BRWD3: variants seen among roughly 807,000 people sequenced by gnomAD.
The protein encoded by BRWD3 is bromodomain and WD repeat-containing protein 3.
A neutral mutation model predicts 149.7 loss-of-function variants in BRWD3; 10 were observed. The ratio of observed to expected loss-of-function variants is 0.07; its 90% CI spans 0.04 to 0.11. The LOEUF is 0.11. Ranked by LOEUF, BRWD3 falls within the 10% of genes least tolerant of loss-of-function variation. The pLI, the probability that BRWD3 is intolerant of heterozygous loss-of-function variation, is 1.00. For missense variants in BRWD3, 940 were observed against 1,373.2 expected, an observed-to-expected ratio of 0.68 and a Z score of 4.99; for synonymous variants, 504 against 456.7, an observed-to-expected ratio of 1.10 and a Z score of -1.32.
chrX:80,726,254 CAT>C (rs1157676961), intron 14 of BRWD3, among the ~76,000 whole-genome samples: 34 of 99,092 alleles, frequency 3.4e-4, no homozygotes, highest in East Asian at 1.3e-3. Flanking sequence ...GTCTGTATAA[CAT>C]ATAACACGTT....
Position 80,809,494 on chromosome X carries a change from G to A in BRWD3, c.-23C>T, listed in dbSNP as rs1374925959. ...CATCCTTTTCCCGAGGGGGTTTGGG[G>A]GCTTCGCTCCGGAGGGGCTGGCGGG... On this transcript the variant is annotated 5_prime_UTR_variant, in exon 1 of 41. Transcript: ENST00000373275. The A allele has an allele frequency of 8.8e-7, 1 of 1,136,308 alleles. No homozygotes were observed. The highest frequency in any genetic ancestry group is 2.6e-5 in the Admixed American group (1 of 37,996). The allele number at this position is 1,136,308 out of a possible 1,213,427, so 93.6% of individuals were successfully genotyped here.
chrX:80,769,170 T>G (rs1168585353), intron 6 of BRWD3, among the ~76,000 whole-genome samples: 1 of 110,941 alleles, frequency 9.0e-6, no homozygotes, highest in African/African-American at 3.3e-5. Context: ...ACTGTCAACA[T>G]TAGACAGATC....
At chrX:80,756,936 T>C (rs2073747470) in intron 6 of BRWD3, among the ~76,000 whole-genome samples, 1 of 112,031 alleles carries the variant, frequency 8.9e-6, no homozygotes. Flanking sequence ...CTTTTTACTT[T>C]TATTATAAGC....
rs181503173 is a variant in BRWD3 at position 80,805,805 on chromosome X, C to T, written c.180+2734G>A. Among the ~76,000 whole-genome samples the T allele has an allele frequency of 2.8e-3, 305 of 110,835 alleles. 2 individuals are homozygous for T. Among genetic ancestry groups the T allele is most frequent in the African/African-American group, 9.2e-3 (281 of 30,466 alleles). On this transcript the variant is annotated intron_variant, in intron 4 of 40. Coordinates refer to ENST00000373275, the MANE Select transcript of BRWD3 (RefSeq NM_153252.5). The stretch of plus-strand genomic sequence containing the variant: ...CAAAAATTAGCTGGGCGTGGTGGCG[C>T]GTGCCTGTAGTCCCAGCTACTTGGG...
chrX:80,725,971 T>A (rs2073224744), intron 14 of BRWD3, among the ~76,000 whole-genome samples: 1 of 108,044 alleles, frequency 9.3e-6, no homozygotes, highest in Non-Finnish European at 1.9e-5. Context: ...ATAACATGTT[T>A]ACATGTTATA....
chrX:80,757,892 AG>A (rs1479251536), intron 6 of BRWD3, among the ~76,000 whole-genome samples: 1 of 112,459 alleles, frequency 8.9e-6, no homozygotes, highest in Non-Finnish European at 1.9e-5. Context: ...TAGATCCTGG[AG>A]ATACTGATTA....
intron 35 of BRWD3, among the ~76,000 whole-genome samples, chrX:80,685,742 C>T (rs1296882309): frequency 8.9e-6 from 1 of 111,979 alleles, no homozygotes; most frequent in African/African-American, 3.2e-5. Context: ...AAATTCCCTA[C>T]AAGCAAACAA....
intron 4 of BRWD3, among the ~76,000 whole-genome samples, chrX:80,803,904 T>G (rs2074325917): frequency 8.9e-6 from 1 of 112,543 alleles, no homozygotes; most frequent in Non-Finnish European, 1.9e-5. Flanking sequence ...ATGTCTGGAA[T>G]TTAAATACAG....
At chrX:80,782,613 T>A (rs780871031) in intron 6 of BRWD3, among the ~76,000 whole-genome samples, 1 of 111,736 alleles carries the variant, frequency 8.9e-6, no homozygotes, top group South Asian at 3.7e-4. Flanking sequence ...ATAACCAGAA[T>A]ATAGCCAGGC....
At chrX:80,692,415 G>A (rs898563275) in intron 28 of BRWD3, among the ~76,000 whole-genome samples, 4 of 111,621 alleles carry the variant, frequency 3.6e-5, no homozygotes, top group East Asian at 2.8e-4. Flanking sequence ...TAAACATTTC[G>A]TCTATCATTC....
intron 33 of BRWD3, among the ~76,000 whole-genome samples, chrX:80,689,215 C>T (rs1029745971): frequency 9.0e-6 from 1 of 111,004 alleles, no homozygotes; most frequent in Non-Finnish European, 1.9e-5. Context: ...CAGTCAAATA[C>T]GGCTTTGTGT....
intron 28 of BRWD3, 38 bp downstream of exon 28, chrX:80,692,902 A>G: frequency 2.8e-6 from 3 of 1,067,119 alleles, no homozygotes; most frequent in South Asian, 3.7e-5. Flanking sequence ...TACTACTACA[A>G]TGTCATATTA....
chrX:80,705,096 T>TACTAAAAATACAAAACCCCTACTAAAAAC (rs1227402555), intron 22 of BRWD3, among the ~76,000 whole-genome samples: 1 of 110,597 alleles, frequency 9.0e-6, no homozygotes, highest in Non-Finnish European at 1.9e-5. Context: ...CAAAACCCCG[T>TACTAAAAATACAAAACCCCTACTAAAAAC]CTCTACTAAA....
chrX:80,762,451 T>G (rs2073813225), intron 6 of BRWD3, among the ~76,000 whole-genome samples: 1 of 111,047 alleles, frequency 9.0e-6, no homozygotes, highest in Non-Finnish European at 1.9e-5. Flanking sequence ...TCAGCAATGT[T>G]TATCTCCCAC....
intron 20 of BRWD3, chrX:80,710,142 G>A (rs1004177305): frequency 1.5e-5 from 8 of 540,106 alleles, no homozygotes; most frequent in Admixed American, 2.3e-5. Context: ...TCAATTGCAG[G>A]GCTTACTGAT....
chrX:80,804,981 C>T (rs1287769244), intron 4 of BRWD3, among the ~76,000 whole-genome samples: 1 of 111,988 alleles, frequency 8.9e-6, no homozygotes, highest in African/African-American at 3.2e-5. Flanking sequence ...AAAAATCTTA[C>T]AGTTCAACAT....
At chrX:80,806,057 T>C (rs2074345669) in intron 4 of BRWD3, among the ~76,000 whole-genome samples, 1 of 112,159 alleles carries the variant, frequency 8.9e-6, no homozygotes. Context: ...CTGACAAACT[T>C]AGCAATCAAA....
rs1275324837 is a variant in BRWD3 at position 80,670,745 on chromosome X, T to C, written c.*5864A>G. On this transcript the variant is annotated 3_prime_UTR_variant, in exon 41 of 41. Transcript: ENST00000373275. The stretch of plus-strand genomic sequence containing the variant: ...TTAACCAAAAATTTTTAATGTAAGA[T>C]TTTTATATCCTTAAAGAGGGCTATC... The C allele has an allele frequency of 9.0e-6, 1 of 111,397 alleles. No homozygotes were observed. The highest frequency in any genetic ancestry group is 1.9e-5 in the Non-Finnish European group (1 of 53,097). 9.2% of individuals were successfully genotyped at this position (111,397 alleles called of 1,213,427 possible).
In BRWD3 at chrX:80,700,028, G is replaced by A. The variant is rs1368496222; in HGVS notation, c.2872C>T (p.Arg958Trp). 9.9e-6 allele frequency: 12 copies of A among 1,209,273 alleles called. No individual in the cohort carries two copies. Among genetic ancestry groups the A allele is most frequent in the East Asian group, 5.9e-5 (2 of 33,719 alleles). Reference protein sequence around the residue: ...YFRQGHEAYVRAVRKSKIYSV... With the variant: ...YFRQGHEAYVWAVRKSKIYSV... ...TATATTTTCGATTTCCTTACAGCCC[G>A]AACATAAGCTTCATGTCCTTGCCTA... Residue 958 changes from arginine to tryptophan, a missense_variant, in exon 25 of 41, where the codon CGG becomes TGG. Arg to Trp is a moderately radical substitution (Grantham distance 101). Around this residue, in one of 6 missense-constraint regions of BRWD3, gnomAD observed 158 missense variants for 284.0 expected, o/e 0.56. Transcript: ENST00000373275.
Sources: allele counts gnomAD v4.1 joint callset (sites outside exome capture counted in the v4.1 genomes callset), GRCh38; gene constraint gnomAD v4.1.1; regional missense constraint gnomAD v4.1.1; transcripts MANE v1.5; gene names NCBI Gene and HGNC (gene_info 2026-07-23, HGNC 2026-07-21).